Variants in NRG1 observed in about 807,000 individuals in gnomAD.
The protein encoded by NRG1 is pro-neuregulin-1, membrane-bound isoform.
Under a neutral mutation model 63.8 loss-of-function variants are expected in NRG1, and 18 were observed. The ratio of observed to expected loss-of-function variants is 0.28; its 90% CI spans 0.19 to 0.42. The LOEUF is 0.42. Ranked by LOEUF, NRG1 falls within the 10% of genes least tolerant of loss-of-function variation. NRG1 has a pLI of 1.00. For missense variants in NRG1, 762 were observed against 814.7 expected, an observed-to-expected ratio of 0.94 and a Z score of 0.79; for synonymous variants, 302 against 301.3, an observed-to-expected ratio of 1.00 and a Z score of -0.02.
chr8:32,569,675 A>G (rs1030364959), intron 1 of NRG1, among the ~76,000 whole-genome samples: 2 of 151,986 alleles, frequency 1.3e-5, no homozygotes, highest in African/African-American at 4.8e-5. Context: ...GCTTTCTTTC[A>G]TAATTTATCA....
intron 1 of NRG1, among the ~76,000 whole-genome samples, chr8:32,142,152 A>G (rs1284475175): frequency 6.6e-6 from 1 of 152,150 alleles, no homozygotes; most frequent in African/African-American, 2.4e-5. Flanking sequence ...GACCCTGGAC[A>G]TTTTTTGAAC....
In NRG1 at chr8:32,098,022, T is replaced by A. The variant is rs184962282; in HGVS notation, c.37+458591T>A. Among the ~76,000 whole-genome samples the A allele has an allele frequency of 7.0e-4, 106 of 152,020 alleles. 2 individuals carry two copies. The highest frequency in any genetic ancestry group is 2.4e-3 in the African/African-American group (100 of 41,456). ...AGATCCTCCATGTAAAGATTATAGA[T>A]AGAGAAGATAAGAGGGATCAAAACC... On this transcript the variant is annotated intron_variant, in intron 1 of 10. Coordinates refer to the NRG1 transcript ENST00000519301.
At chr8:31,717,705 A>G (rs1334874903) in intron 1 of NRG1, among the ~76,000 whole-genome samples, 1 of 152,188 alleles carries the variant, frequency 6.6e-6, no homozygotes, top group African/African-American at 2.4e-5. Context: ...ACTTTAAAAC[A>G]GTAAATTTGA....
intron 1 of NRG1, among the ~76,000 whole-genome samples, chr8:32,198,337 C>T (rs778283589): frequency 3.3e-5 from 5 of 152,050 alleles, no homozygotes; most frequent in Non-Finnish European, 7.4e-5. Context: ...ACCACCACAT[C>T]GGGCTAATTT....
intron 1 of NRG1, among the ~76,000 whole-genome samples, chr8:31,848,528 C>A (rs557702420): frequency 1.4e-5 from 2 of 143,968 alleles, no homozygotes; most frequent in Non-Finnish European, 3.2e-5. Flanking sequence ...TATCAGTTCA[C>A]GGTCTGTTAG....
chr8:32,584,684 GA>G (rs1841306076), intron 1 of NRG1, among the ~76,000 whole-genome samples: 1 of 152,182 alleles, frequency 6.6e-6, no homozygotes. Flanking sequence ...TAGAAGTCCT[GA>G]AAGGACACAT....
intron 1 of NRG1, among the ~76,000 whole-genome samples, chr8:31,971,309 T>C (rs980539844): frequency 5.3e-5 from 8 of 152,170 alleles, no homozygotes; most frequent in African/African-American, 1.9e-4. Flanking sequence ...TTCTTTTTAG[T>C]CAATTTTGCT....
chr8:31,872,480 G>A (rs1829574606), intron 1 of NRG1, among the ~76,000 whole-genome samples: 1 of 152,148 alleles, frequency 6.6e-6, no homozygotes, highest in Admixed American at 6.6e-5. Flanking sequence ...TTTCCTGGTG[G>A]CATCTGTTAG....
At chr8:32,151,147 C>T (rs893416285) in intron 1 of NRG1, among the ~76,000 whole-genome samples, 4 of 152,066 alleles carry the variant, frequency 2.6e-5, no homozygotes, top group South Asian at 2.1e-4. Context: ...GGAGGGGCAC[C>T]GGATTCATGT....
At chr8:31,686,748 T>C (rs1341783164) in intron 1 of NRG1, among the ~76,000 whole-genome samples, 2 of 151,924 alleles carry the variant, frequency 1.3e-5, no homozygotes, top group African/African-American at 4.8e-5. Flanking sequence ...GTCTTCAGGA[T>C]GGTCTTTTTT....
At chr8:32,658,182 C>A (rs1801982751) in intron 5 of NRG1, among the ~76,000 whole-genome samples, 1 of 152,130 alleles carries the variant, frequency 6.6e-6, no homozygotes, top group Non-Finnish European at 1.5e-5. Flanking sequence ...ATTTAGTAAA[C>A]TATACATGTA....
chr8:32,568,801 C>T lies in NRG1; in HGVS notation c.100+19975C>T, dbSNP rs186713948. The stretch of plus-strand genomic sequence containing the variant: ...GAAAATAGTATCTAGGTTTGAGAGA[C>T]TTGCTGTGATTGTATAATTTTAGCA... On this transcript the variant is annotated intron_variant, in intron 1 of 11. Coordinates refer to ENST00000356819, the Ensembl canonical transcript of NRG1. Among the ~76,000 whole-genome samples, 160 of 152,220 alleles carry T rather than the reference C, an allele frequency of 1.1e-3. 1 individual carries two copies. Among genetic ancestry groups the T allele is most frequent in the African/African-American group, 3.7e-3 (154 of 41,534 alleles).
At chr8:31,714,185 A>G (rs1320923174) in intron 1 of NRG1, among the ~76,000 whole-genome samples, 1 of 151,584 alleles carries the variant, frequency 6.6e-6, no homozygotes, top group South Asian at 2.1e-4. Context: ...TTTATGATTA[A>G]GGAGTTTATT....
At chr8:32,653,125 T>A (rs369262836) in intron 5 of NRG1, among the ~76,000 whole-genome samples, 214 of 145,164 alleles carry the variant, frequency 1.5e-3, no homozygotes, top group African/African-American at 5.1e-3. Flanking sequence ...CCTCTTTGGT[T>A]TTTTTTTGTT....
At chr8:32,076,869 G>C (rs538371095) in intron 1 of NRG1, among the ~76,000 whole-genome samples, 1 of 152,194 alleles carries the variant, frequency 6.6e-6, no homozygotes, top group Admixed American at 6.5e-5. Context: ...GCTTTATAAA[G>C]AACTGCACAT....
intron 1 of NRG1, among the ~76,000 whole-genome samples, chr8:32,109,450 C>A (rs575920307): frequency 1.3e-4 from 20 of 152,314 alleles, no homozygotes; most frequent in African/African-American, 3.8e-4. Flanking sequence ...CAAATTCAGA[C>A]CCAGCATCAC....
intron 1 of NRG1, among the ~76,000 whole-genome samples, chr8:31,983,132 T>C (rs1809449521): frequency 6.6e-6 from 1 of 152,150 alleles, no homozygotes; most frequent in African/African-American, 2.4e-5. Context: ...GCAGAATATT[T>C]TTCTTTCAAT....
At chr8:31,852,188 A>G (rs1480302109) in intron 1 of NRG1, among the ~76,000 whole-genome samples, 1 of 152,196 alleles carries the variant, frequency 6.6e-6, no homozygotes, top group Non-Finnish European at 1.5e-5. Flanking sequence ...CGCCACACCA[A>G]CTTCCACAAT....
intron 1 of NRG1, among the ~76,000 whole-genome samples, chr8:32,133,682 GATTTTAC>G (rs949788854): frequency 6.6e-6 from 1 of 152,044 alleles, no homozygotes; most frequent in Admixed American, 6.6e-5. Context: ...AAGGCCCATG[GATTTTAC>G]ATCTATTATA....
Sources: gnomAD v4.1 joint callset for allele counts (sites outside exome capture counted in the v4.1 genomes callset) on GRCh38, gnomAD v4.1.1 for gene constraint, MANE v1.5 for transcripts, NCBI Gene and HGNC (gene_info 2026-07-23, HGNC 2026-07-21) for gene names.